The following KIAA2012 variants were observed in gnomAD, a reference collection of about 807,000 sequenced individuals.
KIAA2012 encodes the protein uncharacterized protein KIAA2012.
Under a neutral mutation model 150.6 loss-of-function variants are expected in KIAA2012, and 125 were observed. That is an observed-to-expected ratio of 0.83 (90% CI 0.72 to 0.96). The LOEUF (loss-of-function observed/expected upper bound fraction) is 0.96. KIAA2012 is among the 40% of genes least tolerant of loss of function. The pLI is 0.00. For missense variants in KIAA2012, 1,219 were observed against 1,354.9 expected, an observed-to-expected ratio of 0.90 and a Z score of 1.57; for synonymous variants, 462 against 504.7, an observed-to-expected ratio of 0.92 and a Z score of 1.13.
chr2:202,158,465 G>A (rs1194878698), intron 14 of KIAA2012, among the ~76,000 whole-genome samples: 5 of 152,290 alleles, frequency 3.3e-5, no homozygotes, highest in Middle Eastern at 3.4e-3. Context: ...GCAGGCTCAC[G>A]TTACTACAGG....
chr2:202,154,937 C>A, intron 14 of KIAA2012, 127 bp downstream of exon 14: 1 of 1,103,538 alleles, frequency 9.1e-7, no homozygotes, highest in Non-Finnish European at 1.2e-6. Flanking sequence ...TCAGAAGGGA[C>A]AGAAAATAGG....
intron 6 of KIAA2012, 58 bp downstream of exon 6, chr2:202,099,854 T>C (rs1312998810): frequency 2.8e-6 from 4 of 1,410,596 alleles, no homozygotes; most frequent in Middle Eastern, 1.9e-4. Flanking sequence ...GCAGAGTTCA[T>C]TTAAGGACAC....
intron 18 of KIAA2012, among the ~76,000 whole-genome samples, chr2:202,189,864 G>T (rs969929449): frequency 7.9e-5 from 12 of 152,022 alleles, no homozygotes; most frequent in Non-Finnish European, 1.6e-4. Flanking sequence ...GGCTGAGGTG[G>T]GTGGATTGCT....
intron 9 of KIAA2012, among the ~76,000 whole-genome samples, chr2:202,107,511 G>A (rs566946959): frequency 1.3e-5 from 2 of 152,188 alleles, no homozygotes; most frequent in East Asian, 3.9e-4. Context: ...ACGAGATAAA[G>A]GACACTAGTG....
intron 11 of KIAA2012, among the ~76,000 whole-genome samples, chr2:202,124,227 C>T (rs1283156942): frequency 6.6e-6 from 1 of 152,040 alleles, no homozygotes; most frequent in East Asian, 1.9e-4. Flanking sequence ...ATATAGGACC[C>T]ACTCAATTGA....
In KIAA2012 at chr2:202,097,472, T is replaced by A; in HGVS notation, c.723T>A (p.Ala241=). 1.3e-6 allele frequency: 2 copies of A among 1,550,506 alleles called. No homozygotes were observed. Among genetic ancestry groups the A allele is most frequent in the East Asian group, 4.9e-5 (2 of 40,926 alleles). The part of the protein sequence containing the change: ...QGLDEGEAGA[A]GHVDQGPLAK... ...TGGATGAAGGGGAAGCTGGAGCTGC[T>A]GGACACGTGGACCAGGGCCCTCTAG... Residue 241 remains alanine, a synonymous_variant, in exon 5 of 24, where the codon GCT becomes GCA. Coordinates refer to ENST00000498697, the MANE Select transcript of KIAA2012 (RefSeq NM_001277372.4).
chr2:202,185,890 T>C (rs1168750159), intron 16 of KIAA2012, among the ~76,000 whole-genome samples: 1 of 152,242 alleles, frequency 6.6e-6, no homozygotes, highest in East Asian at 1.9e-4. Flanking sequence ...TAAAGTCTCA[T>C]ATATTTACAG....
chr2:202,097,265 G>A (rs901625159), intron 4 of KIAA2012, among the ~76,000 whole-genome samples, 170 bp from the exon 5 acceptor site: 2 of 152,234 alleles, frequency 1.3e-5, no homozygotes, highest in Non-Finnish European at 2.9e-5. Flanking sequence ...AGACCTGGCT[G>A]CCACTTCCGA....
chr2:202,118,110 T>C (rs989753960), intron 11 of KIAA2012, among the ~76,000 whole-genome samples: 1 of 152,176 alleles, frequency 6.6e-6, no homozygotes, highest in Non-Finnish European at 1.5e-5. Context: ...ATTTTTATTC[T>C]CTAAACATCA....
At chr2:202,121,092 C>G (rs1170505866) in intron 11 of KIAA2012, among the ~76,000 whole-genome samples, 1 of 152,170 alleles carries the variant, frequency 6.6e-6, no homozygotes, top group Non-Finnish European at 1.5e-5. Flanking sequence ...CCTTCCCCTC[C>G]TCGTTCTCCT....
At chr2:202,079,974 T>A (rs1387530930) in intron 2 of KIAA2012, among the ~76,000 whole-genome samples, 1 of 152,190 alleles carries the variant, frequency 6.6e-6, no homozygotes, top group African/African-American at 2.4e-5. Context: ...TGCACAAGCC[T>A]AAGAGCTAGG....
chr2:202,131,996 G>A (rs1365307675), intron 12 of KIAA2012, among the ~76,000 whole-genome samples: 1 of 151,118 alleles, frequency 6.6e-6, no homozygotes, highest in Non-Finnish European at 1.5e-5. Flanking sequence ...ACCAGAGATG[G>A]AGAAACCCCA....
intron 15 of KIAA2012, among the ~76,000 whole-genome samples, chr2:202,182,418 A>G (rs1310147754): frequency 6.6e-6 from 1 of 151,940 alleles, no homozygotes; most frequent in African/African-American, 2.4e-5. Flanking sequence ...AGCCAGCCAT[A>G]TGTACTTTTT....
chr2:202,080,696 C>T (rs1208238221), intron 2 of KIAA2012, among the ~76,000 whole-genome samples: 1 of 104,760 alleles, frequency 9.5e-6, no homozygotes, highest in Admixed American at 9.9e-5. Flanking sequence ...AACTCCGTCT[C>T]AAAAAAAAAA....
Position 202,120,928 on chromosome 2 carries a change from T to G in KIAA2012, c.1763-4286T>G, listed in dbSNP as rs77995354. On this transcript the variant is annotated intron_variant, in intron 11 of 23. Transcript: ENST00000498697. ...AATAATAGAATCCCCCACCCTGGATTTTAGCTGAACACATGGCTGCCTACC... is the reference window on the plus strand; with the variant it reads ...AATAATAGAATCCCCCACCCTGGATGTTAGCTGAACACATGGCTGCCTACC... 1.2e-3 allele frequency among the ~76,000 whole-genome samples: 184 copies of G among 152,280 alleles called. 2 individuals carry two copies. In the East Asian group the frequency reaches 0.032, roughly 27 times the overall value.
chr2:202,199,290 T>A (rs1303884431), intron 22 of KIAA2012, among the ~76,000 whole-genome samples: 1 of 152,084 alleles, frequency 6.6e-6, no homozygotes, highest in Non-Finnish European at 1.5e-5. Context: ...CCCCTTTTTT[T>A]GAGACAGAGT....
At chr2:202,075,301 A>T (rs1226559969) in intron 2 of KIAA2012, 126 bp downstream of exon 2, 2 of 1,078,480 alleles carry the variant, frequency 1.9e-6, no homozygotes, top group African/African-American at 3.2e-5. Context: ...CTATTTCTTC[A>T]TCTCTAAAAT....
chr2:202,147,543 T>TC (rs1274222030), intron 13 of KIAA2012, among the ~76,000 whole-genome samples: 3 of 152,244 alleles, frequency 2.0e-5, no homozygotes, highest in African/African-American at 7.2e-5. Context: ...TTCTTTCTCT[T>TC]CTTCCAGCCT....
chr2:202,090,667 G>C, intron 2 of KIAA2012, 103 bp from the exon 3 acceptor site: 2 of 1,329,942 alleles, frequency 1.5e-6, no homozygotes, highest in Non-Finnish European at 2.0e-6. Context: ...GGCACCTTCT[G>C]GGAGTTTCCT....
Sources: gnomAD v4.1 joint callset for allele counts (sites outside exome capture counted in the v4.1 genomes callset) on GRCh38, gnomAD v4.1.1 for gene constraint, MANE v1.5 for transcripts, NCBI Gene and HGNC (gene_info 2026-07-23, HGNC 2026-07-21) for gene names.